MCUB: variants seen among roughly 807,000 people sequenced by gnomAD.
MCUB encodes the protein mitochondrial calcium uniporter dominant negative subunit beta, also known as calcium uniporter regulatory subunit MCUb, mitochondrial.
MCUB carries 46 observed loss-of-function variants against 41.4 expected under a neutral mutation model. The ratio of observed to expected loss-of-function variants is 1.11; its 90% CI spans 0.88 to 1.42. The LOEUF is 1.42. Ranked by LOEUF, MCUB falls within the 40% of genes most tolerant of loss-of-function variation. The pLI, the probability that MCUB is intolerant of heterozygous loss-of-function variation, is 0.00. For missense variants in MCUB, 403 were observed against 404.9 expected, an observed-to-expected ratio of 1.00 and a Z score of 0.04; for synonymous variants, 148 against 148.2, an observed-to-expected ratio of 1.00 and a Z score of 0.01.
intron 2 of MCUB, 70 bp from the exon 3 acceptor site, chr4:109,660,125 A>C: frequency 1.3e-6 from 1 of 759,596 alleles, no homozygotes; most frequent in Non-Finnish European, 2.1e-6. Context: ...CATTCCTTCT[A>C]GAATTCTTGT....
chr4:109,569,793 G>A (rs916843838), intron 1 of MCUB, among the ~76,000 whole-genome samples: 1 of 152,060 alleles, frequency 6.6e-6, no homozygotes, highest in Non-Finnish European at 1.5e-5. Flanking sequence ...GTGAGCCACC[G>A]CTCCTGGCCA....
intron 5 of MCUB, among the ~76,000 whole-genome samples, chr4:109,684,062 TTTC>T (rs1443354302): frequency 7.1e-6 from 1 of 140,466 alleles, no homozygotes; most frequent in Non-Finnish European, 1.5e-5. Context: ...GAGTTCCTCT[TTTC>T]TTTTTTTTTT....
chr4:109,627,917 G>GAA (rs35135859), intron 1 of MCUB, among the ~76,000 whole-genome samples: 3 of 135,444 alleles, frequency 2.2e-5, no homozygotes, highest in Non-Finnish European at 1.6e-5. Context: ...TGTCTCAGAA[G>GAA]AAAAAAAAAA....
chr4:109,591,886 T>C (rs1727444620), intron 1 of MCUB, among the ~76,000 whole-genome samples: 1 of 150,708 alleles, frequency 6.6e-6, no homozygotes, highest in African/African-American at 2.4e-5. Context: ...TTTTAGTAGA[T>C]ATGGGGTTTT....
In MCUB at chr4:109,583,865, T is replaced by G. The variant is rs1727242386; in HGVS notation, c.99+23429T>G. On this transcript the variant is annotated intron_variant, in intron 1 of 7. Transcript: ENST00000394650. ...GTTCTGTTTTTGTGATAGATTAAGT[T>G]TATTGATTTGTGTATGTTGAACCAG... Among the ~76,000 whole-genome samples the G allele has an allele frequency of 3.3e-5, 5 of 152,172 alleles. No individual in the cohort carries two copies. In the South Asian group the frequency reaches 1.0e-3, roughly 32 times the overall value.
intron 1 of MCUB, among the ~76,000 whole-genome samples, chr4:109,630,849 G>A (rs945983984): frequency 1.3e-5 from 2 of 152,152 alleles, no homozygotes; most frequent in Non-Finnish European, 2.9e-5. Flanking sequence ...CCAAAGTGCT[G>A]GGATTACAGG....
At chr4:109,601,491 C>A (rs1727740813) in intron 1 of MCUB, among the ~76,000 whole-genome samples, 1 of 152,168 alleles carries the variant, frequency 6.6e-6, no homozygotes, top group South Asian at 2.1e-4. Flanking sequence ...TGATAACATG[C>A]AAAGTTTGTC....
chr4:109,684,186 CTGAG>C (rs1729780621), intron 5 of MCUB, among the ~76,000 whole-genome samples: 1 of 151,802 alleles, frequency 6.6e-6, no homozygotes, highest in Admixed American at 6.6e-5. Flanking sequence ...CCTCAGCCTC[CTGAG>C]TATCTGGGAC....
intron 1 of MCUB, among the ~76,000 whole-genome samples, chr4:109,565,583 C>A (rs1054971867): frequency 6.6e-6 from 1 of 152,138 alleles, no homozygotes; most frequent in Admixed American, 6.5e-5. Context: ...AAAATTAATA[C>A]TGTTAAAGTA....
At chr4:109,596,958 C>G (rs1481050006) in intron 1 of MCUB, among the ~76,000 whole-genome samples, 1 of 151,906 alleles carries the variant, frequency 6.6e-6, no homozygotes, top group Admixed American at 6.6e-5. Context: ...TGCCTTCAAG[C>G]GTCTGTTTAA....
intron 1 of MCUB, among the ~76,000 whole-genome samples, chr4:109,568,112 C>A (rs113970980): frequency 0.082 from 12,527 of 152,182 alleles, 1,527 homozygotes; most frequent in African/African-American, 0.27. Flanking sequence ...TGCAAAGAGA[C>A]ATCATTGGCC....
At position 109,672,030 on chromosome 4, in the gene MCUB, A is replaced by C. The variant is rs149617727; in HGVS notation, c.451+7636A>C. 5.1e-3 allele frequency among the ~76,000 whole-genome samples: 775 copies of C among 152,138 alleles called. 3 individuals are homozygous for C. Among genetic ancestry groups the C allele is most frequent in the African/African-American group, 0.018 (735 of 41,546 alleles). ...TATAAAACTGGAGCCCTGTTAATGT[A>C]GTGGTAAGATATTGAGGAGAGGAAT... On this transcript the variant is annotated intron_variant, in intron 4 of 7. Coordinates refer to ENST00000394650, the MANE Select transcript of MCUB (RefSeq NM_017918.5).
At chr4:109,609,110 G>A (rs1727945310) in intron 1 of MCUB, among the ~76,000 whole-genome samples, 1 of 152,174 alleles carries the variant, frequency 6.6e-6, no homozygotes, top group Admixed American at 6.6e-5. Context: ...GCTGGGAGTG[G>A]GGTGACACAG....
chr4:109,685,030 A>G, intron 6 of MCUB: 1 of 413,870 alleles, frequency 2.4e-6, no homozygotes, highest in East Asian at 3.7e-5. Context: ...ATTATGTGTA[A>G]TTTCTCTTCC....
intron 4 of MCUB, among the ~76,000 whole-genome samples, chr4:109,679,276 C>T (rs1464486606): frequency 6.6e-6 from 1 of 152,232 alleles, no homozygotes; most frequent in African/African-American, 2.4e-5. Context: ...AATCTTAGCA[C>T]TTTGGGAGGC....
intron 1 of MCUB, among the ~76,000 whole-genome samples, chr4:109,564,027 A>G (rs947065031): frequency 6.6e-6 from 1 of 152,242 alleles, no homozygotes; most frequent in Non-Finnish European, 1.5e-5. Flanking sequence ...TTTCCTCTCT[A>G]AAGTTTACCA....
chr4:109,590,327 T>TTA (rs1485485373), intron 1 of MCUB, among the ~76,000 whole-genome samples: 3 of 152,228 alleles, frequency 2.0e-5, no homozygotes, highest in African/African-American at 7.2e-5. Context: ...TTTTCTTTGC[T>TTA]TATAGTTTAA....
At chr4:109,625,765 T>C (rs898538781) in intron 1 of MCUB, among the ~76,000 whole-genome samples, 1 of 152,180 alleles carries the variant, frequency 6.6e-6, no homozygotes, top group African/African-American at 2.4e-5. Context: ...TAATAAATGG[T>C]CAATAAATGG....
chr4:109,576,496 A>G (rs1028648149), intron 1 of MCUB, among the ~76,000 whole-genome samples: 8 of 151,104 alleles, frequency 5.3e-5, no homozygotes, highest in East Asian at 3.9e-4. Context: ...CAAAAACAAT[A>G]GTAGAAAAAG....
Sources: allele counts gnomAD v4.1 joint callset (sites outside exome capture counted in the v4.1 genomes callset), GRCh38; gene constraint gnomAD v4.1.1; transcripts MANE v1.5; gene names NCBI Gene and HGNC (gene_info 2026-07-23, HGNC 2026-07-21).